ZBTB38: variants seen among roughly 807,000 people sequenced by gnomAD.
ZBTB38 encodes the protein zinc finger and BTB domain-containing protein 38.
ZBTB38 carries 20 observed loss-of-function variants against 76.8 expected under a neutral mutation model. The ratio of observed to expected loss-of-function variants is 0.26; its 90% CI spans 0.18 to 0.38. The LOEUF (loss-of-function observed/expected upper bound fraction) is 0.38. ZBTB38 is among the 10% of genes least tolerant of loss of function. ZBTB38 has a pLI of 1.00. For synonymous variants in ZBTB38, 504 were observed against 544.2 expected (o/e 0.93, Z 1.03); for missense variants, 1,082 against 1,482.3 (o/e 0.73, Z 4.43).
rs1376415552 is a variant in ZBTB38, at chr3:141,376,495, G to A, written c.-234-4930G>A. Among the ~76,000 whole-genome samples, 8 of 152,102 alleles carry A rather than the reference G, an allele frequency of 5.3e-5. No individual in the cohort carries two copies. The East Asian group carries it at 1.5e-3, about 29-fold the overall frequency. ...TCCTAGTCCAAACTCATGGCTCCAGGGTCATGATGAGTAAGAGTTCTGGAA... is the reference window on the plus strand; with the variant it reads ...TCCTAGTCCAAACTCATGGCTCCAGAGTCATGATGAGTAAGAGTTCTGGAA... On this transcript the variant is annotated intron_variant, in intron 2 of 5. Coordinates refer to ENST00000321464, the MANE Select transcript of ZBTB38 (RefSeq NM_001376113.1).
At chr3:141,365,131 ACAACT>A (rs2148968852), upstream of ZBTB38, among the ~76,000 whole-genome samples, 1 of 152,356 alleles carries the variant, frequency 6.6e-6, no homozygotes, top group South Asian at 2.1e-4. Flanking sequence ...AAAAGTGAAA[ACAACT>A]CAAGTGTTCA....
intron 2 of ZBTB38, among the ~76,000 whole-genome samples, chr3:141,372,768 A>C (rs1251220634): frequency 1.3e-5 from 2 of 152,124 alleles, no homozygotes; most frequent in African/African-American, 2.4e-5. Flanking sequence ...CCAAATGGGG[A>C]TGATGTGTTG....
chr3:141,434,354 A>T, intron 5 of ZBTB38: 1 of 204,562 alleles, frequency 4.9e-6, no homozygotes, highest in Middle Eastern at 2.8e-3. Context: ...TTATAAGAAA[A>T]GGGACCTATG....
chr3:141,426,375 T>C (rs1381811332), intron 5 of ZBTB38, among the ~76,000 whole-genome samples: 1 of 152,220 alleles, frequency 6.6e-6, no homozygotes, highest in African/African-American at 2.4e-5. Context: ...ACAACCGTTA[T>C]AAGTACACAC....
intron 1 of ZBTB38, among the ~76,000 whole-genome samples, chr3:141,357,016 T>C (rs1188142397): frequency 6.6e-6 from 1 of 152,238 alleles, no homozygotes; most frequent in African/African-American, 2.4e-5. Flanking sequence ...ATATATGTTA[T>C]AAATTATATA....
intron 5 of ZBTB38, among the ~76,000 whole-genome samples, chr3:141,408,036 C>G (rs1955244209): frequency 6.6e-6 from 1 of 152,088 alleles, no homozygotes; most frequent in African/African-American, 2.4e-5. Context: ...ACACCCTGTC[C>G]CCATGGCCAG....
intron 5 of ZBTB38, among the ~76,000 whole-genome samples, chr3:141,441,675 G>T (rs577595058): frequency 6.6e-6 from 1 of 152,282 alleles, no homozygotes; most frequent in Admixed American, 6.5e-5. Flanking sequence ...GTGGGCAATA[G>T]CTTTGCATAT....
At chr3:141,411,188 A>G (rs1460008498) in intron 5 of ZBTB38, among the ~76,000 whole-genome samples, 2 of 152,172 alleles carry the variant, frequency 1.3e-5, no homozygotes, top group East Asian at 3.8e-4. Flanking sequence ...GGCAAGGGAG[A>G]CCCACATATT....
chr3:141,338,310 G>A (rs557149612), intron 1 of ZBTB38, among the ~76,000 whole-genome samples: 1 of 152,166 alleles, frequency 6.6e-6, no homozygotes, highest in East Asian at 1.9e-4. Context: ...AATACCCAAA[G>A]GAATATAAAT....
intron 5 of ZBTB38, among the ~76,000 whole-genome samples, chr3:141,418,255 T>C (rs1345678636): frequency 6.6e-6 from 1 of 152,184 alleles, no homozygotes; most frequent in African/African-American, 2.4e-5. Context: ...AGCGCAGCCC[T>C]GCACATGCCT....
chr3:141,441,047 A>AG (rs1281916717), intron 5 of ZBTB38, among the ~76,000 whole-genome samples: 76 of 151,682 alleles, frequency 5.0e-4, no homozygotes, highest in African/African-American at 1.7e-3. Flanking sequence ...AAAAAAAAAA[A>AG]AAAGAAAAGA....
intron 1 of ZBTB38, among the ~76,000 whole-genome samples, chr3:141,342,903 TA>T (rs1034316306): frequency 2.0e-5 from 3 of 151,652 alleles, no homozygotes; most frequent in African/African-American, 7.3e-5. Context: ...TCTTTTAAGC[TA>T]GGGGTGGAAG....
Position 141,448,011 on chromosome 3 carries a change from G to A in ZBTB38, c.*2035G>A, listed in dbSNP as rs2081223487. 6.6e-6 allele frequency: 1 copy of A among 152,534 alleles called. No individual in the cohort carries two copies. Among genetic ancestry groups the A allele is most frequent in the Non-Finnish European group, 1.5e-5 (1 of 68,000 alleles). 9.4% of individuals were successfully genotyped at this position (152,534 alleles called of 1,614,324 possible). A position where few individuals can be genotyped will look rare whatever the true frequency, so the allele number is the denominator to read the frequency against. On this transcript the variant is annotated 3_prime_UTR_variant, in exon 6 of 6. Coordinates refer to ENST00000321464, the MANE Select transcript of ZBTB38 (RefSeq NM_001376113.1). Reference sequence around the variant, plus strand: ...GTTTTATTAAAGAGATAGTCACAAAGGGCTTACGAAAATCATTTTTGAATT... The same window carrying A: ...GTTTTATTAAAGAGATAGTCACAAAAGGCTTACGAAAATCATTTTTGAATT...
At chr3:141,418,753 T>C (rs1317803752) in intron 5 of ZBTB38, among the ~76,000 whole-genome samples, 1 of 152,240 alleles carries the variant, frequency 6.6e-6, no homozygotes, top group Non-Finnish European at 1.5e-5. Flanking sequence ...TAATTGAATA[T>C]TTGCTAGCTA....
chr3:141,395,148 T>C (rs1950045126), intron 4 of ZBTB38, among the ~76,000 whole-genome samples: 1 of 152,244 alleles, frequency 6.6e-6, no homozygotes, highest in Non-Finnish European at 1.5e-5. Flanking sequence ...CAGCACGCTA[T>C]CTATAACAAA....
chr3:141,379,412 G>A (rs529336934), intron 2 of ZBTB38, among the ~76,000 whole-genome samples: 6 of 152,260 alleles, frequency 3.9e-5, no homozygotes, highest in Non-Finnish European at 5.9e-5. Context: ...CATCCTGTCC[G>A]GATGTGACAA....
rs139663030 is a variant in ZBTB38 at position 141,395,875 on chromosome 3, T to C, written c.-105-8052T>C. ...ATTATACTGTAGTCTATTAAGTGTG[T>C]AGTACCATTATGCCTTAAAAATGTA... On this transcript the variant is annotated intron_variant, in intron 4 of 5. Coordinates refer to ENST00000321464, the MANE Select transcript of ZBTB38 (RefSeq NM_001376113.1). Among the ~76,000 whole-genome samples the C allele has an allele frequency of 1.9e-4, 29 of 152,356 alleles. 1 individual carries two copies. The East Asian group carries it at 5.6e-3, about 29-fold the overall frequency.
rs755005535 is a variant in ZBTB38 at position 141,445,088 on chromosome 3, T to G, written c.2700T>G (p.Ser900Arg). Residue 900 changes from serine to arginine, a missense_variant, in exon 6 of 6, where the codon AGT becomes AGG. Physicochemically the swap from Ser to Arg is moderately radical, Grantham distance 110 (BLOSUM62 -1). Coordinates refer to ENST00000321464, the MANE Select transcript of ZBTB38 (RefSeq NM_001376113.1). This position sits in a 1 kb window ranked among gnomAD's most constrained non-coding sequence, Gnocchi z 6.5. ...GLCQSECMEM[S>R]EVFDDASDQD... ...GCCAATCCGAGTGCATGGAGATGAGTGAAGTGTTCGATGACGCAAGTGACC... is the reference window on the plus strand; with the variant it reads ...GCCAATCCGAGTGCATGGAGATGAGGGAAGTGTTCGATGACGCAAGTGACC... 4 of 1,613,504 alleles carry G rather than the reference T, an allele frequency of 2.5e-6. No individual in the cohort carries two copies. Among genetic ancestry groups the G allele is most frequent in the Non-Finnish European group, 3.4e-6 (4 of 1,179,910 alleles).
At chr3:141,379,825 C>T (rs1409136134) in intron 2 of ZBTB38, among the ~76,000 whole-genome samples, 1 of 152,178 alleles carries the variant, frequency 6.6e-6, no homozygotes, top group East Asian at 1.9e-4. Flanking sequence ...TGACAAGTCT[C>T]AAGTGACATT....
Sources: gnomAD v4.1 joint callset for allele counts (sites outside exome capture counted in the v4.1 genomes callset) on GRCh38, gnomAD v4.1.1 for gene constraint, Gnocchi (gnomAD v3.1) non-coding constraint, MANE v1.5 for transcripts, NCBI Gene and HGNC (gene_info 2026-07-23, HGNC 2026-07-21) for gene names.